The following ATG4C variants were observed in gnomAD, a reference collection of about 807,000 sequenced individuals.
ATG4C encodes cysteine protease ATG4C.
ATG4C carries 56 observed loss-of-function variants against 57.6 expected under a neutral mutation model. The observed-to-expected ratio is 0.97, with a 90% confidence interval of 0.78 to 1.21. ATG4C has a LOEUF of 1.21. Ranked by LOEUF, ATG4C falls within the 50% of genes most tolerant of loss-of-function variation. ATG4C has a pLI of 0.00. For missense variants in ATG4C, 595 were observed against 529.8 expected, an observed-to-expected ratio of 1.12 and a Z score of -1.21; for synonymous variants, 157 against 174.1, an observed-to-expected ratio of 0.90 and a Z score of 0.78.
Position 62,864,077 on chromosome 1 carries a change from C to T in ATG4C, c.1295C>T (p.Thr432Ile), listed in dbSNP as rs752280653. The change falls in exon 11 of 11, where the codon ACA (threonine) becomes ATA (isoleucine). Residue 432 changes from threonine (T) to isoleucine (I), a missense_variant. Physicochemically the swap from Thr to Ile is moderately conservative, Grantham distance 89 (BLOSUM62 -1). Transcript: ENST00000317868. ...HSRDYDFTST[T>I]TNEEDLFSED... Reference sequence around the variant, plus strand: ...AGAGACTATGATTTTACATCTACTACAACCAATGAAGAAGACCTTTTTTCA... The same window carrying T: ...AGAGACTATGATTTTACATCTACTATAACCAATGAAGAAGACCTTTTTTCA... 6 of 1,605,594 alleles carry T rather than the reference C, an allele frequency of 3.7e-6. 1 individual carries two copies. In the African/African-American group the frequency reaches 6.7e-5, roughly 18 times the overall value.
At chr1:62,849,939 G>A (rs985683508) in intron 10 of ATG4C, among the ~76,000 whole-genome samples, 5 of 151,930 alleles carry the variant, frequency 3.3e-5, no homozygotes, top group African/African-American at 9.7e-5. Flanking sequence ...AAGGTGTAAG[G>A]TGTGACTATA....
chr1:62,784,946 T>G (rs1016267141), intron 1 of ATG4C, among the ~76,000 whole-genome samples: 2 of 152,206 alleles, frequency 1.3e-5, no homozygotes, highest in African/African-American at 2.4e-5. Flanking sequence ...CATCACTGCT[T>G]ATTGAGTTTA....
intron 1 of ATG4C, among the ~76,000 whole-genome samples, chr1:62,801,029 T>G (rs72669555): frequency 3.9e-5 from 6 of 152,280 alleles, no homozygotes; most frequent in Non-Finnish European, 8.8e-5. Context: ...AGGGAACAGA[T>G]GCAAAGGCAT....
chr1:62,833,687 T>A (rs1034247719), intron 7 of ATG4C, among the ~76,000 whole-genome samples: 1 of 152,122 alleles, frequency 6.6e-6, no homozygotes, highest in East Asian at 1.9e-4. Context: ...TTTACGTTGA[T>A]CACAGTGAAG....
At chr1:62,823,679 A>G (rs1665558287) in intron 6 of ATG4C, among the ~76,000 whole-genome samples, 1 of 152,218 alleles carries the variant, frequency 6.6e-6, no homozygotes, top group Non-Finnish European at 1.5e-5. Context: ...CTACATTTCC[A>G]GCATCACCTT....
chr1:62,816,658 G>A lies in ATG4C; in HGVS notation c.244G>A (p.Asp82Asn). ...AGGAAATGTAGAAGAATTTCGTAAA[G>A]ATTTCATTTCTAGAATATGGCTGAC... ...IAGNVEEFRK[D>N]FISRIWLTYR... Residue 82 changes from aspartate (D) to asparagine (N), a missense_variant, in exon 4 of 11, where the codon GAT (aspartate) becomes AAT (asparagine). Transcript: ENST00000317868. 1 of 1,613,830 alleles carries A rather than the reference G, an allele frequency of 6.2e-7. No individual in the cohort carries two copies. Among genetic ancestry groups the A allele is most frequent in the Non-Finnish European group, 8.5e-7 (1 of 1,179,832 alleles).
intron 7 of ATG4C, among the ~76,000 whole-genome samples, chr1:62,831,553 G>C (rs778922512): frequency 1.1e-4 from 17 of 151,982 alleles, no homozygotes; most frequent in Non-Finnish European, 1.3e-4. Flanking sequence ...ATTTATGTAT[G>C]TATGTATGTA....
At chr1:62,802,825 T>C (rs114894908) in intron 1 of ATG4C, among the ~76,000 whole-genome samples, 2,220 of 152,328 alleles carry the variant, frequency 0.015, 52 homozygotes, top group African/African-American at 0.051. Flanking sequence ...CAATAGACCA[T>C]GCTTTCTCCT....
intron 9 of ATG4C, among the ~76,000 whole-genome samples, chr1:62,840,235 G>A (rs996027766): frequency 6.6e-6 from 1 of 152,004 alleles, no homozygotes; most frequent in Admixed American, 6.6e-5. Flanking sequence ...TCTTACTGCA[G>A]CTTCAAAACT....
At chr1:62,842,857 A>C (rs1317122112) in intron 10 of ATG4C, among the ~76,000 whole-genome samples, 1 of 152,194 alleles carries the variant, frequency 6.6e-6, no homozygotes, top group African/African-American at 2.4e-5. Flanking sequence ...CCAGGTGAAC[A>C]TAACAAAATA....
chr1:62,854,855 T>A (rs190876888), intron 10 of ATG4C, among the ~76,000 whole-genome samples: 37 of 152,280 alleles, frequency 2.4e-4, no homozygotes, highest in African/African-American at 8.9e-4. Flanking sequence ...TAAGAGCCTG[T>A]GGAATGAATA....
At chr1:62,842,515 G>A (rs1666204325) in intron 10 of ATG4C, among the ~76,000 whole-genome samples, 1 of 151,788 alleles carries the variant, frequency 6.6e-6, no homozygotes, top group Non-Finnish European at 1.5e-5. Flanking sequence ...TGGTCAGGCT[G>A]GTCTCGAACT....
intron 6 of ATG4C, among the ~76,000 whole-genome samples, chr1:62,826,592 T>A (rs1557978023): frequency 1.4e-5 from 2 of 142,020 alleles, no homozygotes; most frequent in African/African-American, 5.8e-5. Context: ...CATCTCTTTT[T>A]TTCTTTCTTT....
chr1:62,837,769 A>G (rs2886771), intron 9 of ATG4C, among the ~76,000 whole-genome samples: 69,233 of 151,864 alleles, frequency 0.46, 15,903 homozygotes, highest in East Asian at 0.67. Context: ...GTGAACTGCA[A>G]TTAGTAGTAG....
At chr1:62,825,948 T>A (rs555529063) in intron 6 of ATG4C, among the ~76,000 whole-genome samples, 1 of 152,172 alleles carries the variant, frequency 6.6e-6, no homozygotes, top group East Asian at 1.9e-4. Flanking sequence ...CGCTCTGTTG[T>A]CCAGGTTGGA....
chr1:62,836,686 A>G (rs1166652672), intron 9 of ATG4C, among the ~76,000 whole-genome samples: 2 of 152,078 alleles, frequency 1.3e-5, no homozygotes, highest in African/African-American at 2.4e-5. Context: ...ATTAATGTAA[A>G]AAATTATATG....
intron 1 of ATG4C, among the ~76,000 whole-genome samples, chr1:62,794,442 C>G (rs933452938): frequency 1.1e-4 from 16 of 152,144 alleles, no homozygotes; most frequent in African/African-American, 3.1e-4. Context: ...GGATGTGATC[C>G]TGAGGAGTCC....
At chr1:62,787,227 T>C (rs1572084689) in intron 1 of ATG4C, among the ~76,000 whole-genome samples, 2 of 152,318 alleles carry the variant, frequency 1.3e-5, no homozygotes, top group East Asian at 1.9e-4. Context: ...ATTTGAGTAA[T>C]ACTATGCCTA....
In ATG4C at chr1:62,816,668, C is replaced by A; in HGVS notation, c.254C>A (p.Ser85Tyr). Residue 85 changes from serine to tyrosine, a missense_variant, in exon 4 of 11, where the codon TCT becomes TAT. Ser to Tyr is a moderately radical substitution (Grantham distance 144, BLOSUM62 -2). Coordinates refer to ENST00000317868, the MANE Select transcript of ATG4C (RefSeq NM_032852.4). ...NVEEFRKDFISRIWLTYREEF... is the reference protein window; with the variant it reads ...NVEEFRKDFIYRIWLTYREEF... ...GAAGAATTTCGTAAAGATTTCATTT[C>A]TAGAATATGGCTGACCTACAGGGAA... The A allele has an allele frequency of 6.2e-7, 1 of 1,613,816 alleles. No homozygotes were observed. Among genetic ancestry groups the A allele is most frequent in the Non-Finnish European group, 8.5e-7 (1 of 1,179,840 alleles).
Sources: gnomAD v4.1 joint callset for allele counts (sites outside exome capture counted in the v4.1 genomes callset) on GRCh38, gnomAD v4.1.1 for gene constraint, MANE v1.5 for transcripts, NCBI Gene and HGNC (gene_info 2026-07-23, HGNC 2026-07-21) for gene names.